INPP4B: variants seen among roughly 807,000 people sequenced by gnomAD.
INPP4B encodes inositol polyphosphate 4-phosphatase type II.
In INPP4B, 55 loss-of-function variants were observed where a neutral mutation model predicts 122.5. The observed-to-expected ratio is 0.45, with a 90% CI of 0.36 to 0.56. The LOEUF (loss-of-function observed/expected upper bound fraction) is 0.56. INPP4B is among the 20% of genes least tolerant of loss of function. The pLI, the probability that INPP4B is intolerant of heterozygous loss-of-function variation, is 0.00. For missense variants in INPP4B, 1,000 were observed against 1,097.7 expected (o/e 0.91, Z 1.26); for synonymous variants, 403 against 388.7 (o/e 1.04, Z -0.43).
At chr4:142,275,742 T>C (rs1748068061) in intron 9 of INPP4B, among the ~76,000 whole-genome samples, 1 of 151,872 alleles carries the variant, frequency 6.6e-6, no homozygotes, top group African/African-American at 2.4e-5. Flanking sequence ...CTTTTCAGTA[T>C]TGTTTAATAT....
intron 2 of INPP4B, among the ~76,000 whole-genome samples, chr4:142,560,822 G>A (rs1230698836): frequency 2.0e-5 from 3 of 152,046 alleles, no homozygotes; most frequent in African/African-American, 4.8e-5. Flanking sequence ...CGACTCAAAT[G>A]TATCTCTTTT....
At chr4:142,687,666 A>G (rs1482044800) in intron 2 of INPP4B, among the ~76,000 whole-genome samples, 2 of 151,984 alleles carry the variant, frequency 1.3e-5, no homozygotes, top group Middle Eastern at 3.4e-3. Flanking sequence ...GGGCAGGGAG[A>G]TAACAGTCAG....
At chr4:142,592,115 A>G (rs1737627483) in intron 2 of INPP4B, among the ~76,000 whole-genome samples, 1 of 152,196 alleles carries the variant, frequency 6.6e-6, no homozygotes, top group Non-Finnish European at 1.5e-5. Context: ...ACTTTGCATA[A>G]TACCTGTCCA....
At chr4:142,235,038 C>T (rs933152703) in intron 12 of INPP4B, among the ~76,000 whole-genome samples, 1 of 152,128 alleles carries the variant, frequency 6.6e-6, no homozygotes, top group African/African-American at 2.4e-5. Flanking sequence ...TCCCAAATCC[C>T]TACTCATTCT....
intron 14 of INPP4B, among the ~76,000 whole-genome samples, chr4:142,205,436 T>A (rs1407089731): frequency 1.3e-5 from 2 of 152,158 alleles, no homozygotes; most frequent in Non-Finnish European, 2.9e-5. Context: ...CTTTAAGTCA[T>A]CTTTAATCTA....
chr4:142,130,848 C>T (rs1382119944), intron 18 of INPP4B, among the ~76,000 whole-genome samples: 1 of 152,154 alleles, frequency 6.6e-6, no homozygotes, highest in Non-Finnish European at 1.5e-5. Context: ...GTCCAGGGAA[C>T]CTTGTTTGTT....
At chr4:142,276,328 C>G (rs1748382452) in intron 9 of INPP4B, among the ~76,000 whole-genome samples, 2 of 151,862 alleles carry the variant, frequency 1.3e-5, no homozygotes, top group Admixed American at 1.3e-4. Flanking sequence ...AGGGGCTTAA[C>G]TACATAGCCT....
At chr4:142,104,600 T>G (rs1786066539) in intron 23 of INPP4B, among the ~76,000 whole-genome samples, 1 of 152,066 alleles carries the variant, frequency 6.6e-6, no homozygotes, top group Non-Finnish European at 1.5e-5. Context: ...GGAGATATGG[T>G]GGGAGAAACA....
chr4:142,098,461 C>A (rs767443212), intron 23 of INPP4B, among the ~76,000 whole-genome samples: 1 of 151,914 alleles, frequency 6.6e-6, no homozygotes, highest in South Asian at 2.1e-4. Flanking sequence ...GTAGTGGATA[C>A]GAATGGACTA....
At chr4:142,457,352 A>G (rs1000326322) in intron 3 of INPP4B, among the ~76,000 whole-genome samples, 1 of 152,166 alleles carries the variant, frequency 6.6e-6, no homozygotes, top group South Asian at 2.1e-4. Context: ...GACAAGCTAC[A>G]CATTGGAAAA....
At position 142,123,358 on chromosome 4, in the gene INPP4B, C is replaced by T. The variant is rs752702682; in HGVS notation, c.1951G>A (p.Gly651Ser). The change falls in exon 20 of 26, where the codon GGC becomes AGC. Residue 651 changes from glycine to serine, a missense_variant. Coordinates refer to ENST00000262992, the MANE Select transcript of INPP4B (RefSeq NM_001101669.3). ...ACTGTGTGAAGCTGCTGTAGGAAGC[C>T]TGGGTCATACAGACTTGTCTGTAAT... ...IKLQTSLYDP[G>S]FLQQLHTVGL... 1 of 1,612,762 alleles carries T rather than the reference C, an allele frequency of 6.2e-7. No homozygotes were observed. Among genetic ancestry groups the T allele is most frequent in the South Asian group, 1.1e-5 (1 of 91,036 alleles).
intron 1 of INPP4B, among the ~76,000 whole-genome samples, chr4:142,742,973 T>C (rs901960977): frequency 6.6e-5 from 10 of 151,994 alleles, no homozygotes; most frequent in Non-Finnish European, 1.5e-4. Flanking sequence ...CTAAGGTTAA[T>C]TTCTGTAAAA....
At chr4:142,655,854 T>C (rs1754034545) in intron 2 of INPP4B, among the ~76,000 whole-genome samples, 1 of 152,258 alleles carries the variant, frequency 6.6e-6, no homozygotes, top group Non-Finnish European at 1.5e-5. Context: ...CTTGCATTTT[T>C]GTTGGTTTTC....
Position 142,269,409 on chromosome 4 carries a change from G to GT in INPP4B, c.615+1253dup, listed in dbSNP as rs1428085658. Among the ~76,000 whole-genome samples the GT allele has an allele frequency of 6.6e-5, 10 of 151,988 alleles. No homozygotes were observed. The South Asian group carries it at 2.1e-3, about 32-fold the overall frequency. ...GGTCACAGATGCTCCTCTAATTTGT[G>GT]TTTTTTCCCAGGTGCAGCCTCAACC... is the stretch of plus-strand genomic sequence containing the variant. On this transcript the variant is annotated intron_variant, in intron 10 of 25. Transcript: ENST00000262992.
chr4:142,644,709 C>G (rs36122183), intron 2 of INPP4B, among the ~76,000 whole-genome samples: 1 of 136,432 alleles, frequency 7.3e-6, no homozygotes. Context: ...CAAGACCAGT[C>G]TGGCCAACAT....
In INPP4B at chr4:142,028,861, G is replaced by C; in HGVS notation, c.2696C>G (p.Ala899Gly). 1 of 1,613,560 alleles carries C rather than the reference G, an allele frequency of 6.2e-7. No individual in the cohort carries two copies. Among genetic ancestry groups the C allele is most frequent in the Non-Finnish European group, 8.5e-7 (1 of 1,179,662 alleles). The change falls in exon 26 of 26, where the codon GCT (alanine) becomes GGT (glycine). Residue 899 changes from alanine to glycine, a missense_variant. Coordinates refer to ENST00000262992, the MANE Select transcript of INPP4B (RefSeq NM_001101669.3). ...AGCCATCAGCTGTAGCATGTTGAAA[G>C]CATACTTTCTGCATTTGATATTCTT... is the stretch of plus-strand genomic sequence containing the variant. ...VLKNIKCRKY[A>G]FNMLQLMAFP...
chr4:142,260,077 C>T (rs1477686556), intron 11 of INPP4B, among the ~76,000 whole-genome samples: 2 of 152,126 alleles, frequency 1.3e-5, no homozygotes, highest in Admixed American at 1.3e-4. Context: ...CTCCGCCCCT[C>T]GGGTTCAAGC....
intron 2 of INPP4B, among the ~76,000 whole-genome samples, chr4:142,640,077 G>C (rs1316498289): frequency 6.6e-6 from 1 of 151,968 alleles, no homozygotes; most frequent in Non-Finnish European, 1.5e-5. Flanking sequence ...ACCTAGAAAG[G>C]ATACGAGGGC....
intron 2 of INPP4B, among the ~76,000 whole-genome samples, chr4:142,524,892 A>G (rs1448687243): frequency 6.6e-6 from 1 of 152,052 alleles, no homozygotes; most frequent in Non-Finnish European, 1.5e-5. Flanking sequence ...GGCCAGGGCA[A>G]TCAGGCAGGA....
Sources: gnomAD v4.1 joint callset for allele counts (sites outside exome capture counted in the v4.1 genomes callset) on GRCh38, gnomAD v4.1.1 for gene constraint, MANE v1.5 for transcripts, NCBI Gene and HGNC (gene_info 2026-07-23, HGNC 2026-07-21) for gene names.